ALDH1A2: variants seen among roughly 807,000 people sequenced by gnomAD.
ALDH1A2 encodes the protein aldehyde dehydrogenase 1 family member A2.
ALDH1A2 carries 27 observed loss-of-function variants against 60.3 expected under a neutral mutation model. The observed-to-expected ratio is 0.45, with a 90% CI of 0.33 to 0.62. The LOEUF is 0.62. Among genes scored for constraint, ALDH1A2 ranks in the 20% least tolerant of loss-of-function variants. The pLI is 0.02. For missense variants in ALDH1A2, 581 were observed against 643.8 expected (o/e 0.90, Z 1.06); for synonymous variants, 289 against 232.4 (o/e 1.24, Z -2.21).
chr15:57,995,213 GCT>G, intron 4 of ALDH1A2, 74 bp from the exon 5 acceptor site: 1 of 591,546 alleles, frequency 1.7e-6, no homozygotes, highest in Admixed American at 3.9e-5. Context: ...AACTTTGGTG[GCT>G]GCAAAAAAAA....
chr15:58,017,213 T>G (rs1895813138), intron 1 of ALDH1A2, among the ~76,000 whole-genome samples: 1 of 152,208 alleles, frequency 6.6e-6, no homozygotes, highest in Non-Finnish European at 1.5e-5. Context: ...CATTTAGTAT[T>G]TTGCACAAGA....
At chr15:57,962,219 T>C in intron 9 of ALDH1A2, 43 bp from the exon 10 acceptor site, 1 of 1,602,700 alleles carries the variant, frequency 6.2e-7, no homozygotes, top group Non-Finnish European at 8.5e-7. Context: ...TAACCTTCTA[T>C]GAAAATGGAA....
chr15:57,985,151 C>T (rs957534204), intron 7 of ALDH1A2, among the ~76,000 whole-genome samples: 8 of 152,150 alleles, frequency 5.3e-5, no homozygotes, highest in African/African-American at 1.9e-4. Flanking sequence ...ATTTCCAATG[C>T]CTTGATGTGC....
At position 57,964,017 on chromosome 15, in the gene ALDH1A2, C is replaced by A. The variant is rs1205822473; in HGVS notation, c.954G>T (p.Gln318His). ...AHQGVFFNQGQCCTAGSRIFV... is the reference protein window; with the variant it reads ...AHQGVFFNQGHCCTAGSRIFV... ...AGATGCGAGAGCCTGCAGTGCAGCA[C>A]TGACCTTGATTGAAGAACACACCCT... Residue 318 changes from glutamine (Q) to histidine (H), a missense_variant, in exon 9 of 13, where the codon CAG (glutamine) becomes CAT (histidine). Physicochemically the swap from Gln to His is conservative, Grantham distance 24. Around this residue, in one of 2 missense-constraint regions of ALDH1A2, gnomAD observed 375 missense variants for 469.7 expected, o/e 0.80. Transcript: ENST00000249750. The A allele has an allele frequency of 6.2e-7, 1 of 1,614,054 alleles. No individual in the cohort carries two copies. Among genetic ancestry groups the A allele is most frequent in the Admixed American group, 1.7e-5 (1 of 60,008 alleles).
At chr15:58,065,439 C>T in intron 1 of ALDH1A2, 95 bp downstream of exon 1, 1 of 1,106,022 alleles carries the variant, frequency 9.0e-7, no homozygotes, top group African/African-American at 1.5e-5. Flanking sequence ...CGACCCCGGC[C>T]CCGTCCCGCA....
chr15:57,963,347 C>CTTTT lies in ALDH1A2; in HGVS notation c.1086+534_1086+537dup, dbSNP rs67005556. 1.6e-3 allele frequency among the ~76,000 whole-genome samples: 217 copies of CTTTT among 137,522 alleles called. 1 individual carries two copies. Among genetic ancestry groups the CTTTT allele is most frequent in the Admixed American group, 0.01 (141 of 13,688 alleles). 90.2% of individuals were successfully genotyped at this position (137,522 alleles called of 152,430 possible). On this transcript the variant is annotated intron_variant, in intron 9 of 12. Coordinates refer to ENST00000249750, the MANE Select transcript of ALDH1A2 (RefSeq NM_003888.4). ...GCTTAGTCCCAAAGGTCAGAATATT[C>CTTTT]TTTTTTTTTTTTTTTTGAGACGGAG...
intron 1 of ALDH1A2, among the ~76,000 whole-genome samples, chr15:58,030,605 G>A (rs1035659053): frequency 2.6e-4 from 39 of 152,064 alleles, no homozygotes; most frequent in African/African-American, 6.7e-4. Context: ...AAATTGTCCC[G>A]GTTTGCAGGT....
chr15:58,060,725 T>C (rs6493981), intron 1 of ALDH1A2, among the ~76,000 whole-genome samples: 73,676 of 151,958 alleles, frequency 0.48, 18,249 homozygotes, highest in Non-Finnish European at 0.54. Flanking sequence ...CAGTATATAA[T>C]TGAATGAGTG....
Position 57,961,211 on chromosome 15 carries a change from G to A in ALDH1A2, c.1335C>T (p.Leu445=), listed in dbSNP as rs768636227. 3.4e-5 allele frequency: 55 copies of A among 1,613,986 alleles called. No homozygotes were observed. The highest frequency in any genetic ancestry group is 3.0e-4 in the South Asian group (27 of 91,082). The change falls in exon 11 of 13, where the codon CTC becomes CTT. Residue 445 remains leucine (L), a synonymous_variant. Coordinates refer to ENST00000249750, the MANE Select transcript of ALDH1A2 (RefSeq NM_003888.4). Reference sequence around the variant, plus strand: ...TGTCATTAGTAAAGACAGCTGCTACGAGTCCAAAGTCTGAGTTATTGGCTC... The same window carrying A: ...TGTCATTAGTAAAGACAGCTGCTACAAGTCCAAAGTCTGAGTTATTGGCTC... The part of the protein sequence containing the change: ...IERANNSDFG[L]VAAVFTNDIN...
chr15:57,989,475 A>G (rs1427610161), intron 7 of ALDH1A2, among the ~76,000 whole-genome samples: 1 of 152,200 alleles, frequency 6.6e-6, no homozygotes, highest in Non-Finnish European at 1.5e-5. Flanking sequence ...GAAAAACCAA[A>G]TAAGAGGGTA....
At chr15:57,981,941 C>A (rs1278281889) in intron 7 of ALDH1A2, among the ~76,000 whole-genome samples, 2 of 152,136 alleles carry the variant, frequency 1.3e-5, no homozygotes, top group Non-Finnish European at 2.9e-5. Flanking sequence ...GGTTGAGAGA[C>A]CCACATGTGG....
At chr15:58,020,220 T>C (rs1022707692) in intron 1 of ALDH1A2, among the ~76,000 whole-genome samples, 6 of 152,186 alleles carry the variant, frequency 3.9e-5, no homozygotes, top group African/African-American at 9.7e-5. Context: ...TCTTTATCCA[T>C]TGATGGGTAT....
At chr15:58,017,172 C>T (rs1435177977) in intron 1 of ALDH1A2, among the ~76,000 whole-genome samples, 1 of 152,090 alleles carries the variant, frequency 6.6e-6, no homozygotes, top group Non-Finnish European at 1.5e-5. Flanking sequence ...GATATTCTAA[C>T]CCATTAATTA....
chr15:58,000,574 G>T (rs1861531141), intron 4 of ALDH1A2, among the ~76,000 whole-genome samples: 2 of 151,866 alleles, frequency 1.3e-5, no homozygotes, highest in Non-Finnish European at 2.9e-5. Context: ...AAAATAACAG[G>T]TTTCATGGGC....
At position 58,062,684 on chromosome 15, in the gene ALDH1A2, A is replaced by G. The variant is rs1897071751; in HGVS notation, c.117+2850T>C. 2.5e-5 allele frequency among the ~76,000 whole-genome samples: 3 copies of G among 118,072 alleles called. No individual in the cohort carries two copies. In the South Asian group the frequency reaches 6.8e-4, roughly 27 times the overall value. The allele number at this position is 118,072 out of a possible 152,430, so 77.5% of individuals were successfully genotyped here. A position where few individuals can be genotyped will look rare whatever the true frequency, so the allele number is the denominator to read the frequency against. On this transcript the variant is annotated intron_variant, in intron 1 of 12. Coordinates refer to ENST00000249750, the MANE Select transcript of ALDH1A2 (RefSeq NM_003888.4). ...GTTAGTTTTCACTCCTCCTTGACTAACACCATCTAGTTTTAAAAAGCACAT... is the reference window on the plus strand; with the variant it reads ...GTTAGTTTTCACTCCTCCTTGACTAGCACCATCTAGTTTTAAAAAGCACAT...
At chr15:57,990,816 C>A (rs79942274) in intron 7 of ALDH1A2, among the ~76,000 whole-genome samples, 209 of 142,262 alleles carry the variant, frequency 1.5e-3, no homozygotes, top group African/African-American at 5.1e-3. Context: ...GCGGAGGTTG[C>A]TGTGAGACAA....
At chr15:57,960,634 A>G in intron 12 of ALDH1A2, 136 bp downstream of exon 12, 1 of 749,162 alleles carries the variant, frequency 1.3e-6, no homozygotes, top group Non-Finnish European at 2.3e-6. Flanking sequence ...AACTTAGCTT[A>G]TAGTAGCATG....
At chr15:58,000,047 C>G (rs1374227330) in intron 4 of ALDH1A2, among the ~76,000 whole-genome samples, 1 of 151,748 alleles carries the variant, frequency 6.6e-6, no homozygotes, top group Non-Finnish European at 1.5e-5. Flanking sequence ...GACATTGGCA[C>G]CTTTCTGGGG....
At chr15:57,965,459 C>T (rs112348598) in intron 8 of ALDH1A2, among the ~76,000 whole-genome samples, 2,084 of 152,278 alleles carry the variant, frequency 0.014, 23 homozygotes, top group African/African-American at 0.032. Flanking sequence ...GAACCATATG[C>T]CACTGACCAA....
Sources: allele counts gnomAD v4.1 joint callset (sites outside exome capture counted in the v4.1 genomes callset), GRCh38; gene constraint gnomAD v4.1.1; regional missense constraint gnomAD v4.1.1; transcripts MANE v1.5; gene names NCBI Gene and HGNC (gene_info 2026-07-23, HGNC 2026-07-21).